Variants in MYBPC1 observed in about 807,000 individuals in gnomAD.
MYBPC1 encodes myosin-binding protein C, slow-type.
A neutral mutation model predicts 147.1 loss-of-function variants in MYBPC1; 52 were observed. The observed-to-expected ratio is 0.35, with a 90% CI of 0.28 to 0.45. The LOEUF (loss-of-function observed/expected upper bound fraction) is 0.45. Among genes scored for constraint, MYBPC1 ranks in the 20% least tolerant of loss-of-function variants. The pLI is 1.00. For missense variants in MYBPC1, 1,228 were observed against 1,440.3 expected (o/e 0.85, Z 2.39); for synonymous variants, 477 against 475.9 (o/e 1.00, Z -0.03).
intron 24 of MYBPC1, among the ~76,000 whole-genome samples, chr12:101,671,339 T>TCA (rs71094516): frequency 1.6e-5 from 2 of 126,306 alleles, no homozygotes; most frequent in Admixed American, 7.3e-5. Flanking sequence ...ACACACACAC[T>TCA]CACACACACA....
At chr12:101,661,058 A>G in intron 19 of MYBPC1, 100 bp from the exon 20 acceptor site, 1 of 744,588 alleles carries the variant, frequency 1.3e-6, no homozygotes, top group South Asian at 1.6e-5. Context: ...CAGAAATAAC[A>G]GTTTCAATGA....
At chr12:101,641,435 T>C (rs1243148008) in intron 10 of MYBPC1, among the ~76,000 whole-genome samples, 1 of 152,220 alleles carries the variant, frequency 6.6e-6, no homozygotes, top group Non-Finnish European at 1.5e-5. Context: ...AATTTTATTT[T>C]TATTTTATGC....
chr12:101,621,803 GC>G (rs60477073), intron 3 of MYBPC1, among the ~76,000 whole-genome samples: 21,571 of 152,056 alleles, frequency 0.14, 1,858 homozygotes, highest in East Asian at 0.31. Flanking sequence ...TATCTCTGGA[GC>G]TTTTTATTCA....
chr12:101,615,322 C>T lies in MYBPC1; in HGVS notation c.61+791C>T, dbSNP rs145835826. ...AGATGGAAGCAACCAAAATCATGTG[C>T]ATTTTCCCATAAAGACTCCAAAGTG... On this transcript the variant is annotated intron_variant, in intron 2 of 31. Coordinates refer to ENST00000361466, the MANE Select transcript of MYBPC1 (RefSeq NM_002465.4). 2.3e-3 allele frequency among the ~76,000 whole-genome samples: 357 copies of T among 152,278 alleles called. 2 individuals are homozygous for T. Among genetic ancestry groups the T allele is most frequent in the African/African-American group, 8.0e-3 (334 of 41,550 alleles).
intron 13 of MYBPC1, among the ~76,000 whole-genome samples, 197 bp from the exon 14 acceptor site, chr12:101,647,824 TTACATTAAGCCAAGATCACGCCAC>T (rs879405157): frequency 8.6e-5 from 13 of 151,944 alleles, no homozygotes; most frequent in Admixed American, 1.3e-4. Flanking sequence ...GGGGTGGAGG[TTACATTAAGCCAAGATCACGCCAC>T]TACACCTCAG....
rs1024718741 is a variant in MYBPC1, at chr12:101,659,595, G to C, written c.1768-77G>C. 5 of 1,485,100 alleles carry C rather than the reference G, an allele frequency of 3.4e-6. No homozygotes were observed. In the African/African-American group the frequency reaches 6.9e-5, roughly 21 times the overall value. 92.0% of individuals were successfully genotyped at this position (1,485,100 alleles called of 1,614,324 possible). A position where few individuals can be genotyped will look rare whatever the true frequency, so the allele number is the denominator to read the frequency against. ...TATACACTCTATAGTCTGCTGAATT[G>C]CTCAATTTATAGGAGACTCTGAAGT... is the stretch of plus-strand genomic sequence containing the variant. On this transcript the variant is annotated intron_variant, in intron 18 of 31. Coordinates refer to ENST00000361466, the MANE Select transcript of MYBPC1 (RefSeq NM_002465.4).
At chr12:101,659,872 C>T in intron 19 of MYBPC1, 41 bp downstream of exon 19, 1 of 1,609,028 alleles carries the variant, frequency 6.2e-7, no homozygotes, top group Non-Finnish European at 8.5e-7. Flanking sequence ...ATCAAGCTGA[C>T]ATGTCAAGAT....
intron 1 of MYBPC1, among the ~76,000 whole-genome samples, chr12:101,610,002 G>A (rs1433366300): frequency 2.6e-5 from 4 of 152,198 alleles, no homozygotes; most frequent in Admixed American, 6.5e-5. Flanking sequence ...AGCTAGCCAT[G>A]ACAGGACCTG....
chr12:101,603,797 T>C (rs1268157996), intron 1 of MYBPC1, among the ~76,000 whole-genome samples: 2 of 152,026 alleles, frequency 1.3e-5, no homozygotes, highest in Non-Finnish European at 2.9e-5. Context: ...ATTATCTGGA[T>C]GTGGTGGTGT....
intron 18 of MYBPC1, among the ~76,000 whole-genome samples, chr12:101,654,844 A>G (rs1895248438): frequency 6.6e-6 from 1 of 152,210 alleles, no homozygotes; most frequent in African/African-American, 2.4e-5. Context: ...TTGCAGGAAT[A>G]ATTAACCCTA....
At position 101,677,274 on chromosome 12, in the gene MYBPC1, G is replaced by A; in HGVS notation, c.2989G>A (p.Ala997Thr). ...TVIEHYHRTS[A>T]TITELVIGNE... ...CATTGAGCATTATCATCGAACCAGT[G>A]CCACCATTACTGAATTGGTCATAGG... is the stretch of plus-strand genomic sequence containing the variant. Residue 997 changes from alanine (A) to threonine (T), a missense_variant, in exon 27 of 32, where the codon GCC (alanine) becomes ACC (threonine). Around this residue, in one of 2 missense-constraint regions of MYBPC1, gnomAD observed 1,077 missense variants for 1,314.2 expected, o/e 0.82. Transcript: ENST00000361466. 1 of 1,613,558 alleles carries A rather than the reference G, an allele frequency of 6.2e-7. No individual in the cohort carries two copies. The highest frequency in any genetic ancestry group is 8.5e-7 in the Non-Finnish European group (1 of 1,179,726).
intron 2 of MYBPC1, among the ~76,000 whole-genome samples, chr12:101,616,055 G>A (rs1488373536): frequency 6.6e-6 from 1 of 152,046 alleles, no homozygotes; most frequent in African/African-American, 2.4e-5. Flanking sequence ...CTCACAAGAG[G>A]CCCTTTGTCC....
intron 6 of MYBPC1, among the ~76,000 whole-genome samples, 172 bp from the exon 7 acceptor site, chr12:101,631,399 C>T (rs1889854044): frequency 6.6e-6 from 1 of 152,148 alleles, no homozygotes; most frequent in Admixed American, 6.5e-5. Flanking sequence ...CTGGGACAGC[C>T]TAAGGACCTC....
At position 101,617,037 on chromosome 12, in the gene MYBPC1, T is replaced by C. The variant is rs825088; in HGVS notation, c.62-165T>C. On this transcript the variant is annotated intron_variant, in intron 2 of 31. Transcript: ENST00000361466. ...CTAAAAGTTTAGTGTGGCTCTAAGT[T>C]ATAATTTCTAAATTCATAATTCATG... 0.17 allele frequency: 109,124 copies of C among 651,130 alleles called. 10,346 individuals are homozygous for C. The highest frequency in any genetic ancestry group is 0.3 in the East Asian group (10,678 of 35,994). 40.3% of individuals were successfully genotyped at this position (651,130 alleles called of 1,614,324 possible).
At chr12:101,637,652 T>C (rs954503754) in intron 10 of MYBPC1, among the ~76,000 whole-genome samples, 36 of 152,280 alleles carry the variant, frequency 2.4e-4, no homozygotes, top group African/African-American at 7.9e-4. Context: ...TTAAAATTAC[T>C]TTTAGTGCTT....
At chr12:101,626,743 C>T in intron 3 of MYBPC1, 129 bp from the exon 4 acceptor site, 2 of 820,400 alleles carry the variant, frequency 2.4e-6, no homozygotes, top group Non-Finnish European at 4.2e-6. Flanking sequence ...ACCAAGTTTT[C>T]TAAGGCTTGC....
At position 101,602,496 on chromosome 12, in the gene MYBPC1, C is replaced by T. The variant is rs545391412; in HGVS notation, c.25+7401C>T. ...CCTCCCAAAGTGCTGGGATTACAGG[C>T]ATGAGCCACCATGCCCGGACAGGTA... On this transcript the variant is annotated intron_variant, in intron 1 of 31. Transcript: ENST00000361466. Among the ~76,000 whole-genome samples the T allele has an allele frequency of 4.0e-3, 616 of 152,318 alleles. 3 individuals carry two copies. The highest frequency in any genetic ancestry group is 0.014 in the African/African-American group (583 of 41,564).
At chr12:101,647,814 G>A (rs146239358) in intron 13 of MYBPC1, among the ~76,000 whole-genome samples, 8 of 152,184 alleles carry the variant, frequency 5.3e-5, no homozygotes, top group Non-Finnish European at 7.3e-5. Flanking sequence ...TTGAACCTAG[G>A]GGGTGGAGGT....
intron 1 of MYBPC1, among the ~76,000 whole-genome samples, chr12:101,599,166 C>T (rs747414766): frequency 6.6e-6 from 1 of 152,032 alleles, no homozygotes; most frequent in Non-Finnish European, 1.5e-5. Flanking sequence ...TTTTAAGGTG[C>T]CATTCTGATA....
Sources: allele counts gnomAD v4.1 joint callset (sites outside exome capture counted in the v4.1 genomes callset), GRCh38; gene constraint gnomAD v4.1.1; regional missense constraint gnomAD v4.1.1; transcripts MANE v1.5; gene names NCBI Gene and HGNC (gene_info 2026-07-23, HGNC 2026-07-21).